Variants in MSH3 observed in about 807,000 individuals in gnomAD.
MSH3 encodes the protein DNA mismatch repair protein Msh3.
A neutral mutation model predicts 123.3 loss-of-function variants in MSH3; 106 were observed. The observed-to-expected ratio is 0.86, with a 90% CI of 0.73 to 1.01. The LOEUF (loss-of-function observed/expected upper bound fraction) is 1.01, where lower values mean the gene tolerates loss of function less well. MSH3 is among the 50% of genes least tolerant of loss of function. MSH3 has a pLI of 0.00. For missense variants in MSH3, 1,459 were observed against 1,347.6 expected (o/e 1.08, Z -1.29); for synonymous variants, 515 against 481.4 (o/e 1.07, Z -0.91).
intron 15 of MSH3, among the ~76,000 whole-genome samples, chr5:80,773,103 C>T (rs1489637478): frequency 6.6e-6 from 1 of 152,180 alleles, no homozygotes; most frequent in Non-Finnish European, 1.5e-5. Context: ...TCCACCATCC[C>T]TTAGCCAGTA....
rs245385 is a variant in MSH3 at position 80,832,786 on chromosome 5, G to C, written c.2813+19045G>C. ...CACTTGAAGTATGTCCAATAATACT[G>C]TTGTAATAGGAATAATCATTGCCTC... On this transcript the variant is annotated intron_variant, in intron 20 of 23. Transcript: ENST00000265081. Among the ~76,000 whole-genome samples the C allele has an allele frequency of 5.9e-5, 9 of 151,652 alleles. No individual in the cohort carries two copies. In the South Asian group the frequency reaches 1.2e-3, roughly 21 times the overall value.
At chr5:80,731,710 G>A (rs1427032567) in intron 10 of MSH3, among the ~76,000 whole-genome samples, 4 of 152,076 alleles carry the variant, frequency 2.6e-5, no homozygotes, top group African/African-American at 9.7e-5. Context: ...GTAATTTGAA[G>A]ATCATTCTAA....
intron 16 of MSH3, among the ~76,000 whole-genome samples, chr5:80,778,162 G>A (rs887385900): frequency 6.6e-6 from 1 of 152,228 alleles, no homozygotes; most frequent in African/African-American, 2.4e-5. Flanking sequence ...CAGATGGGGA[G>A]CATGTGGTAT....
intron 20 of MSH3, among the ~76,000 whole-genome samples, chr5:80,815,749 C>G (rs552908194): frequency 4.2e-4 from 64 of 152,184 alleles, no homozygotes; most frequent in African/African-American, 1.5e-3. Flanking sequence ...TTTCACTGAC[C>G]AGAACTGTGT....
At chr5:80,875,501 C>T (rs905661842) in intron 23 of MSH3, among the ~76,000 whole-genome samples, 1 of 152,122 alleles carries the variant, frequency 6.6e-6, no homozygotes, top group African/African-American at 2.4e-5. Flanking sequence ...GTTCTCCCCT[C>T]TGGGGCTGGC....
intron 8 of MSH3, among the ~76,000 whole-genome samples, chr5:80,702,196 C>A (rs750786664): frequency 1.3e-5 from 2 of 152,144 alleles, no homozygotes; most frequent in Admixed American, 6.5e-5. Flanking sequence ...AGGATTCTTT[C>A]CCTTGGTGCC....
At chr5:80,859,104 A>G (rs1745967117) in intron 21 of MSH3, among the ~76,000 whole-genome samples, 1 of 151,950 alleles carries the variant, frequency 6.6e-6, no homozygotes, top group African/African-American at 2.4e-5. Flanking sequence ...TAATGTTAAC[A>G]TGATGTATCT....
intron 20 of MSH3, among the ~76,000 whole-genome samples, chr5:80,814,712 C>T (rs1339444053): frequency 1.3e-5 from 2 of 152,228 alleles, no homozygotes; most frequent in South Asian, 4.1e-4. Context: ...CTTGTCCATC[C>T]TCCCCATTTT....
chr5:80,748,716 AC>A (rs1743769300), intron 12 of MSH3, among the ~76,000 whole-genome samples: 1 of 151,534 alleles, frequency 6.6e-6, no homozygotes, highest in Non-Finnish European at 1.5e-5. Context: ...ACACACACAC[AC>A]ACACACACAC....
At chr5:80,674,945 A>C (rs769413360) in intron 6 of MSH3, 38 bp from the exon 7 acceptor site, 2 of 1,437,462 alleles carry the variant, frequency 1.4e-6, no homozygotes, top group Non-Finnish European at 1.9e-6. Context: ...TAGGATTTAG[A>C]ATTTAGCATA....
intron 20 of MSH3, among the ~76,000 whole-genome samples, chr5:80,844,006 G>C (rs1191348959): frequency 1.3e-5 from 2 of 151,782 alleles, no homozygotes; most frequent in Non-Finnish European, 2.9e-5. Context: ...GTCGATTTTA[G>C]ATCTTTCCTG....
intron 13 of MSH3, among the ~76,000 whole-genome samples, chr5:80,764,476 G>A (rs1744091179): frequency 6.6e-6 from 1 of 150,926 alleles, no homozygotes; most frequent in Non-Finnish European, 1.5e-5. Context: ...CCAGCCTTCT[G>A]AGTAGTTGGG....
chr5:80,753,733 G>T (rs1179849741), intron 12 of MSH3, among the ~76,000 whole-genome samples: 1 of 152,004 alleles, frequency 6.6e-6, no homozygotes, highest in Non-Finnish European at 1.5e-5. Flanking sequence ...ACATTGGGGG[G>T]TGGGGTGAGA....
At chr5:80,712,468 C>T (rs970614566) in intron 8 of MSH3, among the ~76,000 whole-genome samples, 1 of 151,842 alleles carries the variant, frequency 6.6e-6, no homozygotes, top group Non-Finnish European at 1.5e-5. Context: ...CTCATACTTT[C>T]TTTTTATTTG....
At chr5:80,820,202 A>G (rs1226481171) in intron 20 of MSH3, among the ~76,000 whole-genome samples, 1 of 152,232 alleles carries the variant, frequency 6.6e-6, no homozygotes, top group Non-Finnish European at 1.5e-5. Flanking sequence ...TGCTGTGGAT[A>G]AGCCATAAAT....
intron 18 of MSH3, among the ~76,000 whole-genome samples, chr5:80,791,345 G>C (rs1307508772): frequency 6.6e-6 from 1 of 152,126 alleles, no homozygotes; most frequent in Non-Finnish European, 1.5e-5. Context: ...ACTTCTTCAA[G>C]TATTTGCATT....
At chr5:80,860,030 A>G (rs938600825) in intron 21 of MSH3, among the ~76,000 whole-genome samples, 3 of 152,304 alleles carry the variant, frequency 2.0e-5, no homozygotes, top group South Asian at 2.1e-4. Flanking sequence ...ATTTTTTAAT[A>G]ACAAAATAAT....
chr5:80,733,985 A>T (rs1413812364), intron 10 of MSH3, among the ~76,000 whole-genome samples: 1 of 152,228 alleles, frequency 6.6e-6, no homozygotes, highest in Non-Finnish European at 1.5e-5. Context: ...TGATGTCCAC[A>T]TAAAAACTTA....
At chr5:80,819,844 A>G (rs999807299) in intron 20 of MSH3, among the ~76,000 whole-genome samples, 1 of 152,180 alleles carries the variant, frequency 6.6e-6, no homozygotes, top group Non-Finnish European at 1.5e-5. Context: ...GACGTTAGGG[A>G]TACAAACCTG....
Sources: allele counts gnomAD v4.1 joint callset (sites outside exome capture counted in the v4.1 genomes callset), GRCh38; gene constraint gnomAD v4.1.1; transcripts MANE v1.5; gene names NCBI Gene and HGNC (gene_info 2026-07-23, HGNC 2026-07-21).